The following SGCD variants were observed in gnomAD, a reference collection of about 807,000 sequenced individuals.
SGCD encodes the protein sarcoglycan delta, also known as delta-sarcoglycan.
A neutral mutation model predicts 36.6 loss-of-function variants in SGCD; 18 were observed. The observed-to-expected ratio is 0.49, with a 90% CI of 0.34 to 0.73. The LOEUF is 0.73. Ranked by LOEUF, SGCD falls within the 30% of genes least tolerant of loss-of-function variation. SGCD has a pLI of 0.01. For synonymous variants in SGCD, 133 were observed against 130.6 expected (o/e 1.02, Z -0.12); for missense variants, 387 against 346.7 (o/e 1.12, Z -0.92).
At chr5:156,327,851 A>C (rs1291160281) in intron 1 of SGCD, among the ~76,000 whole-genome samples, 1 of 152,250 alleles carries the variant, frequency 6.6e-6, no homozygotes, top group Non-Finnish European at 1.5e-5. Context: ...ATGCTGGATC[A>C]ACATTTGTAA....
intron 7 of SGCD, among the ~76,000 whole-genome samples, chr5:156,745,160 C>A (rs1054496809): frequency 6.6e-6 from 1 of 152,124 alleles, no homozygotes; most frequent in Non-Finnish European, 1.5e-5. Flanking sequence ...GGGACCCCCC[C>A]AGTTACCAAA....
chr5:156,756,418 C>T (rs1435307822), intron 7 of SGCD, among the ~76,000 whole-genome samples: 1 of 152,156 alleles, frequency 6.6e-6, no homozygotes, highest in Non-Finnish European at 1.5e-5. Context: ...CGTGGTGGCA[C>T]ATACCCAGCT....
intron 1 of SGCD, among the ~76,000 whole-genome samples, chr5:156,044,356 A>G (rs1212220231): frequency 6.6e-6 from 1 of 152,150 alleles, no homozygotes. Flanking sequence ...GAATTGTCAG[A>G]CCAGAAGATG....
chr5:155,862,085 CAT>C, the SGCD span, among the ~76,000 whole-genome samples: 1 of 152,190 alleles, frequency 6.6e-6, no homozygotes, highest in African/African-American at 2.4e-5. Context: ...AGACTTGACA[CAT>C]GTCTCGTGGC....
intron 1 of SGCD, among the ~76,000 whole-genome samples, chr5:155,987,942 A>G (rs1758362832): frequency 6.6e-6 from 1 of 152,186 alleles, no homozygotes; most frequent in Non-Finnish European, 1.5e-5. Flanking sequence ...GCAATTATGT[A>G]TCAGGCCATG....
At chr5:156,390,741 A>C (rs1009229532) in intron 3 of SGCD, among the ~76,000 whole-genome samples, 1 of 152,210 alleles carries the variant, frequency 6.6e-6, no homozygotes, top group African/African-American at 2.4e-5. Context: ...AGGGAAAAAA[A>C]AAGTTTAATG....
chr5:156,736,367 A>C (rs1756364954), intron 7 of SGCD, among the ~76,000 whole-genome samples: 1 of 152,214 alleles, frequency 6.6e-6, no homozygotes, highest in Admixed American at 6.5e-5. Flanking sequence ...TTACCCAAAG[A>C]TTTGGATACA....
chr5:156,419,887 T>C (rs547543304), intron 3 of SGCD, among the ~76,000 whole-genome samples: 1 of 152,242 alleles, frequency 6.6e-6, no homozygotes, highest in Non-Finnish European at 1.5e-5. Flanking sequence ...TGTACAAAGC[T>C]TTGAGAATAA....
chr5:156,498,962 G>A (rs1182879751), intron 3 of SGCD, among the ~76,000 whole-genome samples: 4 of 148,860 alleles, frequency 2.7e-5, no homozygotes, highest in African/African-American at 9.9e-5. Context: ...GTGTGTGTGT[G>A]TATGTGTATG....
At chr5:156,006,853 C>T (rs1055087599) in intron 1 of SGCD, among the ~76,000 whole-genome samples, 11 of 152,228 alleles carry the variant, frequency 7.2e-5, no homozygotes, top group Non-Finnish European at 1.5e-4. Context: ...AGTTTCTACA[C>T]ATACCCATTC....
chr5:156,729,956 C>G (rs989442447), intron 7 of SGCD, among the ~76,000 whole-genome samples: 1 of 152,108 alleles, frequency 6.6e-6, no homozygotes, highest in African/African-American at 2.4e-5. Context: ...CAGGGAACCA[C>G]CTGAAATATC....
intron 3 of SGCD, among the ~76,000 whole-genome samples, chr5:156,253,406 G>T (rs1474540855): frequency 1.3e-5 from 2 of 152,108 alleles, no homozygotes; most frequent in Non-Finnish European, 2.9e-5. Flanking sequence ...TATTTACAAG[G>T]AAGGGACTCT....
intron 3 of SGCD, among the ~76,000 whole-genome samples, chr5:156,154,930 G>T (rs535385436): frequency 6.6e-6 from 1 of 151,740 alleles, no homozygotes; most frequent in East Asian, 1.9e-4. Context: ...ACATAGCTCA[G>T]TTCTTCTTTT....
chr5:156,408,095 A>G lies in SGCD; in HGVS notation c.192+63418A>G, dbSNP rs571632674. On this transcript the variant is annotated intron_variant, in intron 3 of 8. Coordinates refer to ENST00000337851, the MANE Select transcript of SGCD (RefSeq NM_000337.6). Reference sequence around the variant, plus strand: ...TCTCATCTTAATATTGCTGTTGAATATGTAATTTGAGATTATGAAATCATA... The same window carrying G: ...TCTCATCTTAATATTGCTGTTGAATGTGTAATTTGAGATTATGAAATCATA... 3.9e-5 allele frequency among the ~76,000 whole-genome samples: 6 copies of G among 152,336 alleles called. No homozygotes were observed. The East Asian group carries it at 1.2e-3, about 29-fold the overall frequency.
chr5:155,834,834 C>CTTT, the SGCD span, among the ~76,000 whole-genome samples: 2 of 135,568 alleles, frequency 1.5e-5, no homozygotes, highest in Admixed American at 7.5e-5. Context: ...TGAATGTAAT[C>CTTT]TTTTTTTTTT....
chr5:156,077,579 A>G lies in SGCD; in HGVS notation c.-281-40299A>G, dbSNP rs145656597. ...TGCCTTTCTCTGTTGTGGAGTTTTC[A>G]CTTTTGACTCATGGGGTATATCATA... On this transcript the variant is annotated intron_variant, in intron 1 of 9. Transcript: ENST00000517913. Among the ~76,000 whole-genome samples the G allele has an allele frequency of 3.3e-3, 495 of 152,146 alleles. 3 individuals are homozygous for G. Among genetic ancestry groups the G allele is most frequent in the African/African-American group, 0.011 (471 of 41,506 alleles).
chr5:156,649,052 A>C (rs1157967127), intron 7 of SGCD, among the ~76,000 whole-genome samples: 1 of 152,216 alleles, frequency 6.6e-6, no homozygotes, highest in Non-Finnish European at 1.5e-5. Context: ...TGGGCGAAGG[A>C]TATGAACAGA....
At chr5:156,211,861 C>T (rs1462572040) in intron 3 of SGCD, among the ~76,000 whole-genome samples, 1 of 151,848 alleles carries the variant, frequency 6.6e-6, no homozygotes, top group East Asian at 1.9e-4. Context: ...ACACCGAAAA[C>T]AAAATGTAGG....
intron 3 of SGCD, among the ~76,000 whole-genome samples, chr5:156,281,271 TCC>T (rs912028680): frequency 1.2e-3 from 186 of 150,642 alleles, no homozygotes; most frequent in African/African-American, 4.4e-3. Context: ...TCTCTCATCA[TCC>T]CCCCCCAAAA....
Sources: gnomAD v4.1 joint callset for allele counts (sites outside exome capture counted in the v4.1 genomes callset) on GRCh38, gnomAD v4.1.1 for gene constraint, MANE v1.5 for transcripts, NCBI Gene and HGNC (gene_info 2026-07-23, HGNC 2026-07-21) for gene names.